RAPH1: variants seen among roughly 807,000 people sequenced by gnomAD.
RAPH1 encodes ras-associated and pleckstrin homology domains-containing protein 1.
Under a neutral mutation model 88.1 loss-of-function variants are expected in RAPH1, and 18 were observed. The ratio of observed to expected loss-of-function variants is 0.20; its 90% CI spans 0.14 to 0.30. The LOEUF (loss-of-function observed/expected upper bound fraction) is 0.30. Ranked by LOEUF, RAPH1 falls within the 10% of genes least tolerant of loss-of-function variation. The probability of loss-of-function intolerance (pLI) is 1.00; values close to 1 mark genes in which losing one functional copy is unlikely to be tolerated. For missense variants in RAPH1, 1,448 were observed against 1,543.2 expected, an observed-to-expected ratio of 0.94 and a Z score of 1.03; for synonymous variants, 587 against 559.0, an observed-to-expected ratio of 1.05 and a Z score of -0.71.
chr2:203,466,307 G>C (rs2098528436), intron 4 of RAPH1, among the ~76,000 whole-genome samples: 2 of 152,154 alleles, frequency 1.3e-5, no homozygotes, highest in Admixed American at 6.5e-5. Flanking sequence ...ATATTTTTAT[G>C]CTTCCTGTGG....
intron 1 of RAPH1, among the ~76,000 whole-genome samples, chr2:203,512,072 C>A (rs892218534): frequency 6.6e-6 from 1 of 151,922 alleles, no homozygotes; most frequent in African/African-American, 2.4e-5. Context: ...GAGATCGCAC[C>A]AATGCACTCC....
At chr2:203,477,207 G>A in intron 4 of RAPH1, 1 of 1,382,480 alleles carries the variant, frequency 7.2e-7, no homozygotes. Flanking sequence ...GGTGAAACGG[G>A]CAGTTCTCAT....
Position 203,437,179 on chromosome 2 carries a change from A to C in RAPH1, c.*2258T>G, listed in dbSNP as rs1272427655. 1 of 152,218 alleles carries C rather than the reference A, an allele frequency of 6.6e-6. No individual in the cohort carries two copies. The highest frequency in any genetic ancestry group is 6.5e-5 in the Admixed American group (1 of 15,284). The allele number at this position is 152,218 out of a possible 1,614,324, so 9.4% of individuals were successfully genotyped here. On this transcript the variant is annotated 3_prime_UTR_variant, in exon 14 of 14. Coordinates refer to ENST00000319170, the MANE Select transcript of RAPH1 (RefSeq NM_213589.3). ...AAATTCCAAGAAATCCTGCACTGAA[A>C]ACATAAAGGCTGTTGTTTTAGGGCT...
At chr2:203,532,191 A>G (rs1690419051) in intron 1 of RAPH1, among the ~76,000 whole-genome samples, 1 of 152,120 alleles carries the variant, frequency 6.6e-6, no homozygotes, top group Admixed American at 6.6e-5. Context: ...AGGGAAGTGG[A>G]TAGTTACTGT....
chr2:203,459,253 G>A (rs2098522440), intron 7 of RAPH1, among the ~76,000 whole-genome samples: 1 of 152,192 alleles, frequency 6.6e-6, no homozygotes, highest in African/African-American at 2.4e-5. Context: ...CAGAAAAGAT[G>A]TGTCATGGTT....
rs916052468 is a variant in RAPH1, at chr2:203,433,987, CAAAAACATCCTCAG to C, written c.*5436_*5449del. 6 of 151,984 alleles carry C rather than the reference CAAAAACATCCTCAG, an allele frequency of 3.9e-5. No individual in the cohort carries two copies. The highest frequency in any genetic ancestry group is 1.5e-4 in the African/African-American group (6 of 41,234). The allele number at this position is 151,984 out of a possible 1,614,324, so 9.4% of individuals were successfully genotyped here. A position where few individuals can be genotyped will look rare whatever the true frequency, so the allele number is the denominator to read the frequency against. On this transcript the variant is annotated 3_prime_UTR_variant, in exon 14 of 14. Coordinates refer to ENST00000319170, the MANE Select transcript of RAPH1 (RefSeq NM_213589.3). ...TGGAAAATAACTTAATCCAGCAGAA[CAAAAACATCCTCAG>C]AAAAACATCCTCAGTAGTACTGAAT...
intron 10 of RAPH1, among the ~76,000 whole-genome samples, chr2:203,450,177 C>T (rs1379090044): frequency 6.6e-6 from 1 of 151,826 alleles, no homozygotes; most frequent in Non-Finnish European, 1.5e-5. Flanking sequence ...AATAGATGGC[C>T]ACCAACATAA....
chr2:203,438,332 C>T lies in RAPH1; in HGVS notation c.*1105G>A, dbSNP rs2098500151. ...CCAGTTCTGTTCTCTCATCACCCTT[C>T]CCTTCTATAGAGCAATGCTCAAAAA... On this transcript the variant is annotated 3_prime_UTR_variant, in exon 14 of 14. Coordinates refer to ENST00000319170, the MANE Select transcript of RAPH1 (RefSeq NM_213589.3). 2 of 364,524 alleles carry T rather than the reference C, an allele frequency of 5.5e-6. No homozygotes were observed. Among genetic ancestry groups the T allele is most frequent in the East Asian group, 7.7e-5 (1 of 13,046 alleles). The allele number at this position is 364,524 out of a possible 1,614,324, so 22.6% of individuals were successfully genotyped here. A position where few individuals can be genotyped will look rare whatever the true frequency, so the allele number is the denominator to read the frequency against.
chr2:203,490,756 T>C (rs1044304560), intron 3 of RAPH1, among the ~76,000 whole-genome samples: 1 of 152,088 alleles, frequency 6.6e-6, no homozygotes, highest in Non-Finnish European at 1.5e-5. Context: ...ATCAAGAAAT[T>C]TAAGGGCTGG....
chr2:203,475,849 A>G (rs937822450), intron 4 of RAPH1, among the ~76,000 whole-genome samples: 3 of 151,804 alleles, frequency 2.0e-5, no homozygotes, highest in Non-Finnish European at 2.9e-5. Context: ...ATGTCTTTTA[A>G]TAGTGGCAGC....
At position 203,480,641 on chromosome 2, in the gene RAPH1, G is replaced by C. The variant is rs1687681379; in HGVS notation, c.732+8943C>G. Among the ~76,000 whole-genome samples the C allele has an allele frequency of 2.0e-5, 3 of 152,200 alleles. No individual in the cohort carries two copies. In the South Asian group the frequency reaches 6.2e-4, roughly 31 times the overall value. ...AAAGAAATGGCCTTGTACCAAAGTAGTGGTTACAAATAAAACACTTCCTTG... is the reference window on the plus strand; with the variant it reads ...AAAGAAATGGCCTTGTACCAAAGTACTGGTTACAAATAAAACACTTCCTTG... On this transcript the variant is annotated intron_variant, in intron 4 of 13. Coordinates refer to ENST00000319170, the MANE Select transcript of RAPH1 (RefSeq NM_213589.3).
Position 203,461,032 on chromosome 2 carries a change from C to G in RAPH1, c.970+217G>C, listed in dbSNP as rs2098523812. ...TCAGGAGGCTGAGGCAGGATAATTGCTTGAACCCAGGAGGCAGAGGCTGCA... is the reference window on the plus strand; with the variant it reads ...TCAGGAGGCTGAGGCAGGATAATTGGTTGAACCCAGGAGGCAGAGGCTGCA... On this transcript the variant is annotated intron_variant, in intron 6 of 13. Coordinates refer to ENST00000319170, the MANE Select transcript of RAPH1 (RefSeq NM_213589.3). Among the ~76,000 whole-genome samples the G allele has an allele frequency of 2.0e-5, 3 of 152,192 alleles. No homozygotes were observed. In the South Asian group the frequency reaches 6.2e-4, roughly 32 times the overall value.
intron 4 of RAPH1, among the ~76,000 whole-genome samples, chr2:203,487,413 T>TTGC: frequency 6.6e-6 from 1 of 152,148 alleles, no homozygotes; most frequent in Non-Finnish European, 1.5e-5. Flanking sequence ...AGACGGAGTC[T>TTGC]TGCTGTTGCC....
At chr2:203,445,161 G>A in intron 12 of RAPH1, 151 bp from the exon 13 acceptor site, 1 of 552,582 alleles carries the variant, frequency 1.8e-6, no homozygotes, top group Non-Finnish European at 2.9e-6. Context: ...AACACAGCCA[G>A]TATTTTCTAC....
rs140583682 is a variant in RAPH1, at chr2:203,440,756, G to A, written c.2434C>T (p.Pro812Ser). The A allele has an allele frequency of 4.3e-6, 7 of 1,611,620 alleles. No individual in the cohort carries two copies. The highest frequency in any genetic ancestry group is 5.9e-6 in the Non-Finnish European group (7 of 1,179,018). Residue 812 changes from proline (P) to serine (S), a missense_variant, in exon 14 of 14, where the codon CCA becomes TCA. Pro to Ser is a moderately conservative substitution (Grantham distance 74). Around this residue, in one of 2 missense-constraint regions of RAPH1, gnomAD observed 935 missense variants for 890.1 expected, o/e 1.05. Coordinates refer to ENST00000319170, the MANE Select transcript of RAPH1 (RefSeq NM_213589.3). ...GGGAAAGCTGGCTGCTTTTTTGCTG[G>A]GGGCACTGGAGGAGTAGGTGTGGGT... Reference protein sequence around the residue: ...APPTPTPPVPPAKKQPAFPAS... With the variant: ...APPTPTPPVPSAKKQPAFPAS...
intron 1 of RAPH1, among the ~76,000 whole-genome samples, chr2:203,527,800 C>CAAAAAAAAAAAAAAAAAAA: frequency 2.0e-5 from 1 of 51,240 alleles, no homozygotes; most frequent in Non-Finnish European, 4.3e-5. Flanking sequence ...AACTCCATCT[C>CAAAAAAAAAAAAAAAAAAA]AAAAAAAAAA....
intron 4 of RAPH1, among the ~76,000 whole-genome samples, chr2:203,473,144 G>A (rs1361561888): frequency 6.6e-6 from 1 of 152,132 alleles, no homozygotes; most frequent in African/African-American, 2.4e-5. Context: ...AAACTCCACT[G>A]GGCATGGTGG....
chr2:203,464,939 T>A (rs767044234), intron 4 of RAPH1, among the ~76,000 whole-genome samples: 126 of 152,244 alleles, frequency 8.3e-4, no homozygotes, highest in Non-Finnish European at 1.6e-3. Context: ...TAAAATGAGA[T>A]ACCACTACAC....
chr2:203,481,568 A>AATATATATATATATATATATATATAT (rs60650703), intron 4 of RAPH1, among the ~76,000 whole-genome samples: 6 of 138,122 alleles, frequency 4.3e-5, no homozygotes, highest in African/African-American at 1.6e-4. Context: ...TAAATAGATG[A>AATATATATATATATATATATATATAT]ATATATATAT....
Sources: allele counts gnomAD v4.1 joint callset (sites outside exome capture counted in the v4.1 genomes callset), GRCh38; gene constraint gnomAD v4.1.1; regional missense constraint gnomAD v4.1.1; transcripts MANE v1.5; gene names NCBI Gene and HGNC (gene_info 2026-07-23, HGNC 2026-07-21).